The following LRRC75A variants were observed in gnomAD, a reference collection of about 807,000 sequenced individuals.
The protein encoded by LRRC75A is leucine-rich repeat-containing protein 75A.
In LRRC75A, 12 loss-of-function variants were observed where a neutral mutation model predicts 26.0. The ratio of observed to expected loss-of-function variants is 0.46; its 90% CI spans 0.30 to 0.75. The LOEUF (loss-of-function observed/expected upper bound fraction) is 0.75. Ranked by LOEUF, LRRC75A falls within the 30% of genes least tolerant of loss-of-function variation. LRRC75A has a pLI of 0.08. For synonymous variants in LRRC75A, 223 were observed against 219.3 expected (o/e 1.02, Z -0.15); for missense variants, 410 against 486.6 (o/e 0.84, Z 1.48).
intron 2 of LRRC75A, among the ~76,000 whole-genome samples, chr17:16,457,875 G>C (rs143727024): frequency 7.9e-5 from 12 of 152,136 alleles, no homozygotes; most frequent in African/African-American, 2.7e-4. Context: ...TTGGGAAGGT[G>C]AGGTGGGAGG....
intron 1 of LRRC75A, among the ~76,000 whole-genome samples, chr17:16,486,664 C>A (rs1476692086): frequency 6.6e-6 from 1 of 152,242 alleles, no homozygotes; most frequent in Non-Finnish European, 1.5e-5. Flanking sequence ...CCAGACTGCA[C>A]CTGCCGGATG....
At chr17:16,449,389 A>G (rs1487769687) in intron 2 of LRRC75A, among the ~76,000 whole-genome samples, 2 of 152,188 alleles carry the variant, frequency 1.3e-5, no homozygotes, top group African/African-American at 4.8e-5. Context: ...CTGTGCTCCA[A>G]ACCACATCTG....
chr17:16,456,007 TG>T (rs2093673845), intron 2 of LRRC75A, among the ~76,000 whole-genome samples: 1 of 141,614 alleles, frequency 7.1e-6, no homozygotes. Flanking sequence ...TAGGCAGCAC[TG>T]GCCCAGAAGT....
At chr17:16,468,060 A>C (rs2093782871) in intron 1 of LRRC75A, among the ~76,000 whole-genome samples, 1 of 152,262 alleles carries the variant, frequency 6.6e-6, no homozygotes, top group Non-Finnish European at 1.5e-5. Flanking sequence ...CCCAGAAAAT[A>C]ACAAGGGTTG....
chr17:16,444,152 CAA>C (rs1272910917), intron 3 of LRRC75A, 21 bp from the exon 4 acceptor site: 1 of 1,562,928 alleles, frequency 6.4e-7, no homozygotes, highest in African/African-American at 1.3e-5. Flanking sequence ...AAAGGACAAA[CAA>C]GGCTCAGGCA....
In LRRC75A at chr17:16,491,689, C is replaced by G. The variant is rs936132087; in HGVS notation, c.246+56G>C. On this transcript the variant is annotated intron_variant, in intron 1 of 3. Coordinates refer to ENST00000470794, the MANE Select transcript of LRRC75A (RefSeq NM_001113567.3). This position sits in a 1 kb window ranked among gnomAD's most constrained non-coding sequence, Gnocchi z 5.9. ...TCGGTTAGGGATGGGGCGCCCCCCC[C>G]GGCCCAGCACGCCCCCTGGCCCGGC... 6 of 1,215,076 alleles carry G rather than the reference C, an allele frequency of 4.9e-6. No individual in the cohort carries two copies. The highest frequency in any genetic ancestry group is 3.5e-5 in the East Asian group (1 of 28,694). 75.3% of individuals were successfully genotyped at this position (1,215,076 alleles called of 1,614,324 possible).
At chr17:16,467,535 C>T (rs1475400398) in intron 1 of LRRC75A, among the ~76,000 whole-genome samples, 1 of 152,170 alleles carries the variant, frequency 6.6e-6, no homozygotes, top group African/African-American at 2.4e-5. Context: ...TACACAGATG[C>T]TTTCTCTTCT....
At chr17:16,452,670 G>A (rs756860712) in intron 2 of LRRC75A, among the ~76,000 whole-genome samples, 1 of 151,894 alleles carries the variant, frequency 6.6e-6, no homozygotes, top group Non-Finnish European at 1.5e-5. Context: ...TCCTGACCTC[G>A]TGATCTGCCC....
At chr17:16,470,649 C>G (rs890180847) in intron 1 of LRRC75A, 1 of 152,066 alleles carries the variant, frequency 6.6e-6, no homozygotes, top group African/African-American at 2.4e-5. Context: ...GGGGGACACC[C>G]AGGGGAGGGA....
At chr17:16,453,877 C>T (rs1485056541) in intron 2 of LRRC75A, among the ~76,000 whole-genome samples, 1 of 152,098 alleles carries the variant, frequency 6.6e-6, no homozygotes, top group Admixed American at 6.5e-5. Flanking sequence ...GACCAGAACC[C>T]CTCTCCCTCA....
At chr17:16,461,704 C>T (rs2093728911) in intron 2 of LRRC75A, among the ~76,000 whole-genome samples, 1 of 152,204 alleles carries the variant, frequency 6.6e-6, no homozygotes, top group African/African-American at 2.4e-5. Context: ...AGCGGACAGC[C>T]CCATGCAGGG....
In LRRC75A at chr17:16,462,207, C is replaced by T. The variant is rs369723391; in HGVS notation, c.375+51G>A. The T allele has an allele frequency of 1.9e-6, 3 of 1,606,636 alleles. No homozygotes were observed. Among genetic ancestry groups the T allele is most frequent in the Admixed American group, 1.7e-5 (1 of 59,406 alleles). On this transcript the variant is annotated intron_variant, in intron 2 of 3. Coordinates refer to ENST00000470794, the MANE Select transcript of LRRC75A (RefSeq NM_001113567.3). The surrounding 1 kb of genome is among the most constrained non-coding windows in gnomAD (Gnocchi z 4.6). Reference sequence around the variant, plus strand: ...CATACAGCTGCTCTGCCCAGAAAGGCACCCACCGCACACCCCGGGACCTGG... The same window carrying T: ...CATACAGCTGCTCTGCCCAGAAAGGTACCCACCGCACACCCCGGGACCTGG...
In LRRC75A at chr17:16,443,896, T is replaced by C; in HGVS notation, c.727A>G (p.Thr243Ala). Residue 243 changes from threonine to alanine, a missense_variant, in exon 4 of 4, where the codon ACC (threonine) becomes GCC (alanine). Coordinates refer to ENST00000470794, the MANE Select transcript of LRRC75A (RefSeq NM_001113567.3). ...GTGAGGTCGCGCAGCACGGCCCGGGTCAACCGGTTGCCATTGAGTGCCAGT... is the reference window on the plus strand; with the variant it reads ...GTGAGGTCGCGCAGCACGGCCCGGGCCAACCGGTTGCCATTGAGTGCCAGT... ...TTLALNGNRL[T>A]RAVLRDLTDI... 1 of 1,613,214 alleles carries C rather than the reference T, an allele frequency of 6.2e-7. No homozygotes were observed. The highest frequency in any genetic ancestry group is 1.1e-5 in the South Asian group (1 of 91,058).
chr17:16,489,908 T>A (rs1601209497), intron 1 of LRRC75A, among the ~76,000 whole-genome samples: 1 of 124,112 alleles, frequency 8.1e-6, no homozygotes, highest in South Asian at 2.9e-4. Context: ...CTGAGGCGGG[T>A]ACCAGGACAC....
intron 1 of LRRC75A, among the ~76,000 whole-genome samples, chr17:16,466,626 C>T (rs2143250094): frequency 6.6e-6 from 1 of 152,294 alleles, no homozygotes; most frequent in Middle Eastern, 3.4e-3. Flanking sequence ...GAGTGACGCT[C>T]GGAGAGTGTG....
At chr17:16,448,099 G>A (rs1314761595) in intron 2 of LRRC75A, 139 bp from the exon 3 acceptor site, 1 of 729,684 alleles carries the variant, frequency 1.4e-6, no homozygotes, top group Non-Finnish European at 2.4e-6. Context: ...GGCCTAGGGT[G>A]GGCACCCTAG....
intron 1 of LRRC75A, among the ~76,000 whole-genome samples, chr17:16,484,513 G>A (rs566048833): frequency 1.4e-4 from 22 of 152,146 alleles, no homozygotes; most frequent in East Asian, 1.2e-3. Flanking sequence ...AAATCGAGCC[G>A]GGCACCCTTC....
At chr17:16,470,322 CA>C (rs1303021383) in intron 1 of LRRC75A, 7 of 152,282 alleles carry the variant, frequency 4.6e-5, no homozygotes, top group Admixed American at 4.6e-4. Flanking sequence ...ACAGTTTCTG[CA>C]ACAACAGAGC....
chr17:16,471,698 A>G (rs1172538963), intron 1 of LRRC75A, among the ~76,000 whole-genome samples: 1 of 152,264 alleles, frequency 6.6e-6, no homozygotes, highest in East Asian at 1.9e-4. Context: ...TCTCAGCTCA[A>G]CATGGGAAAG....
Sources: allele counts gnomAD v4.1 joint callset (sites outside exome capture counted in the v4.1 genomes callset), GRCh38; gene constraint gnomAD v4.1.1; non-coding constraint Gnocchi (gnomAD v3.1); transcripts MANE v1.5; gene names NCBI Gene and HGNC (gene_info 2026-07-23, HGNC 2026-07-21).